Variants in ZC3H12B observed in about 807,000 individuals in gnomAD.
ZC3H12B encodes the protein probable ribonuclease ZC3H12B.
Under a neutral mutation model 43.9 loss-of-function variants are expected in ZC3H12B, and 7 were observed. The observed-to-expected ratio is 0.16, with a 90% confidence interval of 0.09 to 0.30. The LOEUF (loss-of-function observed/expected upper bound fraction) is 0.30, where lower values mean the gene tolerates loss of function less well. ZC3H12B is among the 10% of genes least tolerant of loss of function. The pLI, the probability that ZC3H12B is intolerant of heterozygous loss-of-function variation, is 1.00. For synonymous variants in ZC3H12B, 222 were observed against 241.7 expected (o/e 0.92, Z 0.76); for missense variants, 475 against 670.2 (o/e 0.71, Z 3.22).
the ZC3H12B span, among the ~76,000 whole-genome samples, chrX:65,323,387 C>G: frequency 8.9e-6 from 1 of 111,980 alleles, no homozygotes; most frequent in Non-Finnish European, 1.9e-5. Flanking sequence ...TGTTCCCCTC[C>G]CTGTGTCCAT....
At chrX:65,383,085 C>T (rs1481780406) in intron 2 of ZC3H12B, among the ~76,000 whole-genome samples, 2 of 111,442 alleles carry the variant, frequency 1.8e-5, no homozygotes, top group Non-Finnish European at 3.8e-5. Context: ...ACTTTCTTCA[C>T]AGAATTGGAA....
the ZC3H12B span, among the ~76,000 whole-genome samples, chrX:65,182,869 G>A: frequency 1.8e-5 from 2 of 112,113 alleles, no homozygotes; most frequent in South Asian, 7.3e-4. Context: ...AAAGCACAAT[G>A]AGATATCATC....
the ZC3H12B span, among the ~76,000 whole-genome samples, chrX:65,287,208 A>G: frequency 2.7e-5 from 3 of 111,722 alleles, no homozygotes; most frequent in Non-Finnish European, 5.6e-5. Context: ...TTTACAGATC[A>G]TTCTATTCAA....
At chrX:65,277,797 T>C in the ZC3H12B span, among the ~76,000 whole-genome samples, 1 of 111,001 alleles carries the variant, frequency 9.0e-6, no homozygotes, top group African/African-American at 3.3e-5. Context: ...ATAATACACT[T>C]CCAGTAAATA....
At chrX:65,170,818 G>C in the ZC3H12B span, among the ~76,000 whole-genome samples, 1 of 111,701 alleles carries the variant, frequency 9.0e-6, no homozygotes. Context: ...GCTTCCTGTT[G>C]ATCAAATCAG....
chrX:65,154,176 C>T, the ZC3H12B span, among the ~76,000 whole-genome samples: 1 of 111,349 alleles, frequency 9.0e-6, no homozygotes, highest in African/African-American at 3.3e-5. Flanking sequence ...CACATGTATA[C>T]ATATGTAACT....
chrX:65,380,447 C>G (rs1368293937), intron 2 of ZC3H12B, among the ~76,000 whole-genome samples: 1 of 111,022 alleles, frequency 9.0e-6, no homozygotes, highest in Non-Finnish European at 1.9e-5. Flanking sequence ...TAAAAGAGCT[C>G]CTGAAGGAAG....
chrX:65,382,540 C>A (rs1396306497), intron 2 of ZC3H12B, among the ~76,000 whole-genome samples: 1 of 111,414 alleles, frequency 9.0e-6, no homozygotes, highest in African/African-American at 3.3e-5. Context: ...TGAAAACTGG[C>A]ACAAGACAGG....
the ZC3H12B span, among the ~76,000 whole-genome samples, chrX:65,176,412 T>A: frequency 9.0e-6 from 1 of 111,146 alleles, no homozygotes; most frequent in African/African-American, 3.3e-5. Flanking sequence ...AAAACTAACA[T>A]CTCCCTAGAA....
intron 2 of ZC3H12B, among the ~76,000 whole-genome samples, chrX:65,377,249 A>G (rs941866534): frequency 9.1e-6 from 1 of 109,896 alleles, no homozygotes; most frequent in Non-Finnish European, 1.9e-5. Context: ...AAAAACAATG[A>G]AGCACACTTA....
In ZC3H12B at chrX:65,389,437, G is replaced by T. The variant is rs146284850; in HGVS notation, n.296-9156G>T. On this transcript the variant is annotated intron_variant and non_coding_transcript_variant, in intron 2 of 5. Transcript: ENST00000617377. ...CATGGGCGTAGGACTCTCCAAGCCA[G>T]GCACGGGATATAATCTCCTGGTGTA... 4.0e-3 allele frequency among the ~76,000 whole-genome samples: 448 copies of T among 112,612 alleles called. 1 individual carries two copies. Among genetic ancestry groups the T allele is most frequent in the Middle Eastern group, 0.032 (7 of 218 alleles).
At chrX:65,452,188 C>A (rs1220081642) in intron 3 of ZC3H12B, among the ~76,000 whole-genome samples, 9 of 111,192 alleles carry the variant, frequency 8.1e-5, no homozygotes, top group Non-Finnish European at 9.4e-5. Flanking sequence ...CCAGGGCAAT[C>A]AGACCAGAGA....
At chrX:65,118,368 G>A in the ZC3H12B span, among the ~76,000 whole-genome samples, 1 of 111,535 alleles carries the variant, frequency 9.0e-6, no homozygotes, top group Non-Finnish European at 1.9e-5. Flanking sequence ...CTGTTTGTCT[G>A]TTATTGGTGT....
the ZC3H12B span, among the ~76,000 whole-genome samples, chrX:65,122,319 A>G: frequency 9.0e-6 from 1 of 111,190 alleles, no homozygotes; most frequent in Admixed American, 9.6e-5. Flanking sequence ...AAAATCCTTT[A>G]CAGACAAGCA....
the ZC3H12B span, among the ~76,000 whole-genome samples, chrX:65,152,721 G>T: frequency 9.0e-6 from 1 of 111,026 alleles, no homozygotes; most frequent in East Asian, 2.8e-4. Flanking sequence ...TCACAGAATT[G>T]GAAAAAACTA....
chrX:65,382,437 T>C (rs761513475), intron 2 of ZC3H12B, among the ~76,000 whole-genome samples: 1 of 111,531 alleles, frequency 9.0e-6, no homozygotes, highest in Non-Finnish European at 1.9e-5. Context: ...AAATTACGTA[T>C]TGATGGGACG....
intron 2 of ZC3H12B, among the ~76,000 whole-genome samples, chrX:65,387,441 T>C (rs1466228306): frequency 1.8e-5 from 2 of 111,842 alleles, no homozygotes; most frequent in Admixed American, 1.9e-4. Context: ...AAGTCTGTTT[T>C]ATCAGAGACT....
chrX:65,129,105 GTTTC>G, the ZC3H12B span, among the ~76,000 whole-genome samples: 5 of 109,661 alleles, frequency 4.6e-5, no homozygotes, highest in Non-Finnish European at 9.5e-5. Context: ...AATATTCTTT[GTTTC>G]TTTTTTTTGT....
chrX:65,444,114 A>C (rs758201953), intron 3 of ZC3H12B, among the ~76,000 whole-genome samples: 1 of 112,092 alleles, frequency 8.9e-6, no homozygotes, highest in Non-Finnish European at 1.9e-5. Flanking sequence ...CTCTGTGAGA[A>C]AGATTTTCTC....
Sources: allele counts gnomAD v4.1 joint callset (sites outside exome capture counted in the v4.1 genomes callset), GRCh38; gene constraint gnomAD v4.1.1; transcripts MANE v1.5; gene names NCBI Gene and HGNC (gene_info 2026-07-23, HGNC 2026-07-21).